The following IPO11 variants were observed in gnomAD, a reference collection of about 807,000 sequenced individuals.
The protein encoded by IPO11 is importin-11.
A neutral mutation model predicts 143.2 loss-of-function variants in IPO11; 66 were observed. That is an observed-to-expected ratio of 0.46 (90% CI 0.38 to 0.57). The LOEUF is 0.57. Among genes scored for constraint, IPO11 ranks in the 20% least tolerant of loss-of-function variants. IPO11 has a pLI of 0.00. For synonymous variants in IPO11, 385 were observed against 377.8 expected (o/e 1.02, Z -0.22); for missense variants, 1,026 against 1,141.0 (o/e 0.90, Z 1.45).
chr5:62,483,013 A>G (rs1746265491), intron 9 of IPO11, 88 bp from the exon 10 acceptor site: 1 of 845,322 alleles, frequency 1.2e-6, no homozygotes, highest in Non-Finnish European at 1.8e-6. Flanking sequence ...CTAAATGATT[A>G]TTAGTAAAGT....
chr5:62,628,481 G>A lies in IPO11; in HGVS notation c.*1163G>A, dbSNP rs1461913187. 6.6e-6 allele frequency: 1 copy of A among 152,576 alleles called. No individual in the cohort carries two copies. Among genetic ancestry groups the A allele is most frequent in the African/African-American group, 2.4e-5 (1 of 41,428 alleles). 9.5% of individuals were successfully genotyped at this position (152,576 alleles called of 1,614,324 possible). ...AGTATGTAACTGCGGGAAACCCACTGCCCCTTTGTAAGCTGTGGAACCCAA... is the reference window on the plus strand; with the variant it reads ...AGTATGTAACTGCGGGAAACCCACTACCCCTTTGTAAGCTGTGGAACCCAA... On this transcript the variant is annotated 3_prime_UTR_variant, in exon 30 of 30. Transcript: ENST00000325324.
Position 62,439,013 on chromosome 5 carries a change from T to A in IPO11, c.138+1596T>A, listed in dbSNP as rs1431052458. ...AGCAGAGCTTGCAGTGAGTGGAGAT[T>A]GCACCACTGCATTCCAACCTGGGCG... On this transcript the variant is annotated intron_variant, in intron 2 of 29. Transcript: ENST00000325324. Among the ~76,000 whole-genome samples, 3 of 148,862 alleles carry A rather than the reference T, an allele frequency of 2.0e-5. No homozygotes were observed. In the East Asian group the frequency reaches 6.0e-4, roughly 30 times the overall value.
chr5:62,445,593 A>C (rs945545321), intron 3 of IPO11, among the ~76,000 whole-genome samples: 7 of 152,100 alleles, frequency 4.6e-5, no homozygotes, highest in Admixed American at 2.6e-4. Flanking sequence ...TTCACTTTCA[A>C]TACAGTATTT....
intron 19 of IPO11, among the ~76,000 whole-genome samples, chr5:62,508,552 TTTC>T (rs1305590241): frequency 2.0e-5 from 3 of 152,020 alleles, no homozygotes; most frequent in South Asian, 2.1e-4. Context: ...TCCTTCTTTC[TTTC>T]TTCTTTCTTC....
intron 27 of IPO11, among the ~76,000 whole-genome samples, chr5:62,574,023 A>G (rs1744231225): frequency 6.6e-6 from 1 of 152,218 alleles, no homozygotes; most frequent in South Asian, 2.1e-4. Context: ...TCCTTAAGGC[A>G]TCCCATTTTA....
chr5:62,624,789 C>G (rs1746500217), intron 29 of IPO11, among the ~76,000 whole-genome samples: 1 of 151,906 alleles, frequency 6.6e-6, no homozygotes. Flanking sequence ...TCGAGATCAT[C>G]CTGGCTAACA....
chr5:62,511,784 C>A (rs1472105627), intron 19 of IPO11, among the ~76,000 whole-genome samples: 1 of 149,256 alleles, frequency 6.7e-6, no homozygotes, highest in African/African-American at 2.6e-5. Flanking sequence ...ATTATAAAAA[C>A]TTCCTCTTTA....
intron 20 of IPO11, 24 bp from the exon 21 acceptor site, chr5:62,526,118 A>G: frequency 6.7e-7 from 1 of 1,492,618 alleles, no homozygotes; most frequent in Non-Finnish European, 9.3e-7. Context: ...GTCTTATTAT[A>G]AGTTTTATTT....
At chr5:62,488,566 T>A (rs1185941389) in intron 13 of IPO11, among the ~76,000 whole-genome samples, 1 of 152,050 alleles carries the variant, frequency 6.6e-6, no homozygotes, top group African/African-American at 2.4e-5. Flanking sequence ...ACTTTCGGAG[T>A]GCATGTATGT....
chr5:62,476,250 G>A (rs1745953357), intron 8 of IPO11, among the ~76,000 whole-genome samples: 1 of 151,982 alleles, frequency 6.6e-6, no homozygotes, highest in Non-Finnish European at 1.5e-5. Context: ...ATGAGCTGGT[G>A]GACATTGTTC....
intron 20 of IPO11, among the ~76,000 whole-genome samples, chr5:62,522,438 A>G (rs1580280313): frequency 6.6e-6 from 1 of 151,858 alleles, no homozygotes; most frequent in South Asian, 2.1e-4. Flanking sequence ...GCATGCACCA[A>G]CATGCCTGGC....
chr5:62,487,612 TA>T lies in IPO11; in HGVS notation c.1219-152del, dbSNP rs202175452. Among the ~76,000 whole-genome samples the T allele has an allele frequency of 6.4e-5, 9 of 141,708 alleles. No individual in the cohort carries two copies. In the South Asian group the frequency reaches 1.2e-3, roughly 19 times the overall value. The allele number at this position is 141,708 out of a possible 152,430, so 93.0% of individuals were successfully genotyped here. A position where few individuals can be genotyped will look rare whatever the true frequency, so the allele number is the denominator to read the frequency against. On this transcript the variant is annotated intron_variant, in intron 12 of 29. Transcript: ENST00000325324. ...ATTTTGTTTTCCTTTGTGTTGGTTA[TA>T]AAAAAATGGTAACCTTACTTTTTTT...
At chr5:62,424,494 G>A (rs989409466) in intron 1 of IPO11, among the ~76,000 whole-genome samples, 5 of 138,150 alleles carry the variant, frequency 3.6e-5, no homozygotes, top group South Asian at 2.3e-4. Flanking sequence ...GTGCAATGGC[G>A]TGATCTTGGC....
intron 1 of IPO11, among the ~76,000 whole-genome samples, chr5:62,426,177 A>G (rs1159406352): frequency 1.3e-5 from 2 of 152,214 alleles, no homozygotes; most frequent in East Asian, 3.8e-4. Flanking sequence ...ACCTGAGGTC[A>G]GGAGTTCAAG....
chr5:62,493,938 A>G, intron 15 of IPO11, 60 bp from the exon 16 acceptor site: 1 of 1,422,462 alleles, frequency 7.0e-7, no homozygotes. Context: ...AAATTATACT[A>G]AAAGAAATAG....
intron 5 of IPO11, among the ~76,000 whole-genome samples, chr5:62,459,389 A>AAAATAAATAAATAAATAAATAAAT (rs70981011): frequency 1.6e-4 from 24 of 151,702 alleles, no homozygotes; most frequent in African/African-American, 5.6e-4. Flanking sequence ...CTCTGTCTCA[A>AAAATAAATAAATAAATAAATAAAT]AAATAAATAA....
chr5:62,503,093 G>A (rs1488993794), intron 16 of IPO11, among the ~76,000 whole-genome samples: 1 of 152,078 alleles, frequency 6.6e-6, no homozygotes, highest in Non-Finnish European at 1.5e-5. Context: ...CCAAAGTGCT[G>A]GGATTATAGG....
rs146776961 is a variant in IPO11 at position 62,534,281 on chromosome 5, G to C, written c.2090-2421G>C. On this transcript the variant is annotated intron_variant, in intron 22 of 29. Transcript: ENST00000325324. Reference sequence around the variant, plus strand: ...AAAGATCAGCATGTGACTGGCTCTTGTCCTAGTTATTGCAAATGCAACACT... The same window carrying C: ...AAAGATCAGCATGTGACTGGCTCTTCTCCTAGTTATTGCAAATGCAACACT... Among the ~76,000 whole-genome samples, 494 of 152,120 alleles carry C rather than the reference G, an allele frequency of 3.2e-3. 1 individual carries two copies. Among genetic ancestry groups the C allele is most frequent in the Non-Finnish European group, 5.3e-3 (358 of 67,986 alleles).
chr5:62,448,084 C>G lies in IPO11; in HGVS notation c.240-1843C>G, dbSNP rs577930337. Reference sequence around the variant, plus strand: ...TTCTTTCTTGCTTTACTTTGGATTACAGTAGTTTCTTCTTATCTGCAGGTG... The same window carrying G: ...TTCTTTCTTGCTTTACTTTGGATTAGAGTAGTTTCTTCTTATCTGCAGGTG... On this transcript the variant is annotated intron_variant, in intron 3 of 29. Transcript: ENST00000325324. Among the ~76,000 whole-genome samples, 4 of 152,100 alleles carry G rather than the reference C, an allele frequency of 2.6e-5. No individual in the cohort carries two copies. The East Asian group carries it at 7.7e-4, about 29-fold the overall frequency.
Sources: allele counts gnomAD v4.1 joint callset (sites outside exome capture counted in the v4.1 genomes callset), GRCh38; gene constraint gnomAD v4.1.1; transcripts MANE v1.5; gene names NCBI Gene and HGNC (gene_info 2026-07-23, HGNC 2026-07-21).